Variants in MISP3 observed in about 807,000 individuals in gnomAD.
MISP3 encodes the protein uncharacterized protein MISP3.
In MISP3, 9 loss-of-function variants were observed where a neutral mutation model predicts 5.5. That is an observed-to-expected ratio of 1.65 (90% CI 0.99 to 2.87). The LOEUF (loss-of-function observed/expected upper bound fraction) is 2.87. MISP3 is among the 30% of genes most tolerant of loss of function. MISP3 has a pLI of 0.00. For synonymous variants in MISP3, 87 were observed against 38.1 expected (o/e 2.28, Z -4.73); for missense variants, 152 against 84.1 (o/e 1.81, Z -3.16).
rs1292934976 is a variant in MISP3 at position 14,074,980 on chromosome 19, CCCTT to C, written c.*258_*261del. ...CTAATTGCAAACTGAACTACCCTCTCCCTTGACTGTTAAGAGGGCCGGAGTTACC... is the reference window on the plus strand; with the variant it reads ...CTAATTGCAAACTGAACTACCCTCTCGACTGTTAAGAGGGCCGGAGTTACC... On this transcript the variant is annotated 3_prime_UTR_variant, in exon 3 of 3. Coordinates refer to ENST00000587086, the MANE Select transcript of MISP3 (RefSeq NM_001291291.2). This position sits in a 1 kb window ranked among gnomAD's most constrained non-coding sequence, Gnocchi z 4.4. 4.1e-6 allele frequency: 2 copies of C among 487,958 alleles called. No individual in the cohort carries two copies. The highest frequency in any genetic ancestry group is 1.9e-5 in the African/African-American group (1 of 51,940). The allele number at this position is 487,958 out of a possible 1,614,324, so 30.2% of individuals were successfully genotyped here. A position where few individuals can be genotyped will look rare whatever the true frequency, so the allele number is the denominator to read the frequency against.
Position 14,073,043 on chromosome 19 carries a change from G to C in MISP3, c.-267G>C. 3 of 558,508 alleles carry C rather than the reference G, an allele frequency of 5.4e-6. No individual in the cohort carries two copies. 34.6% of individuals were successfully genotyped at this position (558,508 alleles called of 1,614,324 possible). Reference sequence around the variant, plus strand: ...CCCCAAGCCCTCCGCAAAGGACGTGGAGATCCTGGAGCAAGAGAGCGAAGT... The same window carrying C: ...CCCCAAGCCCTCCGCAAAGGACGTGCAGATCCTGGAGCAAGAGAGCGAAGT... On this transcript the variant is annotated 5_prime_UTR_variant, in exon 1 of 3. Coordinates refer to ENST00000587086, the MANE Select transcript of MISP3 (RefSeq NM_001291291.2). The surrounding 1 kb of genome is among the most constrained non-coding windows in gnomAD (Gnocchi z 8.5).
At position 14,074,518 on chromosome 19, in the gene MISP3, C is replaced by T; in HGVS notation, c.642+55C>T. 1 of 687,470 alleles carries T rather than the reference C, an allele frequency of 1.5e-6. No homozygotes were observed. Among genetic ancestry groups the T allele is most frequent in the Non-Finnish European group, 2.7e-6 (1 of 375,468 alleles). 42.6% of individuals were successfully genotyped at this position (687,470 alleles called of 1,614,324 possible). Reference sequence around the variant, plus strand: ...GCGCTTGTCGGTCCCCCCACCCCTCCGGTGCCAGGACGCTTGGTGGGGAAA... The same window carrying T: ...GCGCTTGTCGGTCCCCCCACCCCTCTGGTGCCAGGACGCTTGGTGGGGAAA... On this transcript the variant is annotated intron_variant, in intron 2 of 2. Coordinates refer to ENST00000587086, the MANE Select transcript of MISP3 (RefSeq NM_001291291.2). The surrounding 1 kb of genome is among the most constrained non-coding windows in gnomAD (Gnocchi z 4.4).
Position 14,074,576 on chromosome 19 carries a change from G to T in MISP3, c.642+113G>T. 1 of 684,472 alleles carries T rather than the reference G, an allele frequency of 1.5e-6. No homozygotes were observed. The highest frequency in any genetic ancestry group is 2.7e-5 in the East Asian group (1 of 36,796). The allele number at this position is 684,472 out of a possible 1,614,324, so 42.4% of individuals were successfully genotyped here. ...CCTCCCTGGAGGGCCACTCTGGTCAGAACTCAGTCTGGGACGCATCCCCGG... is the reference window on the plus strand; with the variant it reads ...CCTCCCTGGAGGGCCACTCTGGTCATAACTCAGTCTGGGACGCATCCCCGG... On this transcript the variant is annotated intron_variant, in intron 2 of 2. Coordinates refer to ENST00000587086, the MANE Select transcript of MISP3 (RefSeq NM_001291291.2). This position sits in a 1 kb window ranked among gnomAD's most constrained non-coding sequence, Gnocchi z 4.4.
chr19:14,074,316 G>A lies in MISP3; in HGVS notation c.569-74G>A, dbSNP rs1169455371. On this transcript the variant is annotated intron_variant, in intron 1 of 2. Transcript: ENST00000587086. This position sits in a 1 kb window ranked among gnomAD's most constrained non-coding sequence, Gnocchi z 4.4. Reference sequence around the variant, plus strand: ...GGAGGCGGAGGGTGAACGCCTGTGTGTGTTTAAGGGGTGCGGCCGGCCTTT... The same window carrying A: ...GGAGGCGGAGGGTGAACGCCTGTGTATGTTTAAGGGGTGCGGCCGGCCTTT... 1 of 692,504 alleles carries A rather than the reference G, an allele frequency of 1.4e-6. No homozygotes were observed. The highest frequency in any genetic ancestry group is 1.8e-5 in the African/African-American group (1 of 56,990). 42.9% of individuals were successfully genotyped at this position (692,504 alleles called of 1,614,324 possible).
Position 14,074,527 on chromosome 19 carries a change from G to A in MISP3, c.642+64G>A. The A allele has an allele frequency of 1.5e-6, 1 of 684,460 alleles. No individual in the cohort carries two copies. Among genetic ancestry groups the A allele is most frequent in the South Asian group, 1.5e-5 (1 of 66,114 alleles). The allele number at this position is 684,460 out of a possible 1,614,324, so 42.4% of individuals were successfully genotyped here. ...GGTCCCCCCACCCCTCCGGTGCCAG[G>A]ACGCTTGGTGGGGAAAAGTGCATCC... On this transcript the variant is annotated intron_variant, in intron 2 of 2. Coordinates refer to ENST00000587086, the MANE Select transcript of MISP3 (RefSeq NM_001291291.2). This position sits in a 1 kb window ranked among gnomAD's most constrained non-coding sequence, Gnocchi z 4.4.
Position 14,073,354 on chromosome 19 carries a change from C to T in MISP3, c.45C>T (p.Arg15=). 1 of 699,614 alleles carries T rather than the reference C, an allele frequency of 1.4e-6. No individual in the cohort carries two copies. 43.3% of individuals were successfully genotyped at this position (699,614 alleles called of 1,614,324 possible). A position where few individuals can be genotyped will look rare whatever the true frequency, so the allele number is the denominator to read the frequency against. The change falls in exon 1 of 3, where the codon CGC becomes CGT. Residue 15 remains arginine, a synonymous_variant. Coordinates refer to ENST00000587086, the MANE Select transcript of MISP3 (RefSeq NM_001291291.2). The surrounding 1 kb of genome is among the most constrained non-coding windows in gnomAD (Gnocchi z 8.5). The stretch of plus-strand genomic sequence containing the variant: ...GCGAAATCCGCCGCAGCTGCGAACG[C>T]GAGGAGAGCCTGCGCCGGAGCCGGG... The part of the protein sequence containing the change: ...IEREIRRSCE[R]EESLRRSRGL...
At position 14,073,772 on chromosome 19, in the gene MISP3, G is replaced by A. The variant is rs1273230248; in HGVS notation, c.463G>A (p.Glu155Lys). 4.3e-6 allele frequency: 3 copies of A among 700,224 alleles called. No individual in the cohort carries two copies. The highest frequency in any genetic ancestry group is 2.0e-5 in the Admixed American group (1 of 49,916). The allele number at this position is 700,224 out of a possible 1,614,324, so 43.4% of individuals were successfully genotyped here. A position where few individuals can be genotyped will look rare whatever the true frequency, so the allele number is the denominator to read the frequency against. ...GCCGCCTTTCACTCCGTCACTGCTG[G>A]AGCAGGAGGTGCGCGCCGTGCGCGA... ...APPPFTPSLLEQEVRAVRERE... is the reference protein window; with the variant it reads ...APPPFTPSLLKQEVRAVRERE... The change falls in exon 1 of 3, where the codon GAG (glutamate) becomes AAG (lysine). Residue 155 changes from glutamate to lysine, a missense_variant. Physicochemically the swap from Glu to Lys is moderately conservative, Grantham distance 56. Coordinates refer to ENST00000587086, the MANE Select transcript of MISP3 (RefSeq NM_001291291.2). The surrounding 1 kb of genome is among the most constrained non-coding windows in gnomAD (Gnocchi z 8.5).
chr19:14,073,296 C>A lies in MISP3; in HGVS notation c.-14C>A. 1 of 695,140 alleles carries A rather than the reference C, an allele frequency of 1.4e-6. No homozygotes were observed. Among genetic ancestry groups the A allele is most frequent in the South Asian group, 1.5e-5 (1 of 67,324 alleles). 43.1% of individuals were successfully genotyped at this position (695,140 alleles called of 1,614,324 possible). On this transcript the variant is annotated 5_prime_UTR_variant, in exon 1 of 3. Coordinates refer to ENST00000587086, the MANE Select transcript of MISP3 (RefSeq NM_001291291.2). This position sits in a 1 kb window ranked among gnomAD's most constrained non-coding sequence, Gnocchi z 8.5. ...TGCCCCGAGGCTCCCCAGCGTCCCC[C>A]GGAGGAGCGGTTCATGGAGACGCCC...
At position 14,073,003 on chromosome 19, in the gene MISP3, G is replaced by A. The variant is rs777533994; in HGVS notation, c.-307G>A. On this transcript the variant is annotated 5_prime_UTR_variant, in exon 1 of 3. Coordinates refer to ENST00000587086, the MANE Select transcript of MISP3 (RefSeq NM_001291291.2). The surrounding 1 kb of genome is among the most constrained non-coding windows in gnomAD (Gnocchi z 8.5). ...AGCGAAGCCCCAGAGCTGCTGCGGA[G>A]CTGAACACCGAGGTCCCCAAGCCCT... 2.2e-5 allele frequency: 11 copies of A among 502,580 alleles called. No individual in the cohort carries two copies. The highest frequency in any genetic ancestry group is 1.7e-4 in the South Asian group (11 of 64,990). 31.1% of individuals were successfully genotyped at this position (502,580 alleles called of 1,614,324 possible).
At position 14,073,760 on chromosome 19, in the gene MISP3, C is replaced by A. The variant is rs143802484; in HGVS notation, c.451C>A (p.Pro151Thr). The change falls in exon 1 of 3, where the codon CCG becomes ACG. Residue 151 changes from proline (P) to threonine (T), a missense_variant. By Grantham distance (38) the Pro-to-Thr change is conservative (BLOSUM62 -1). Coordinates refer to ENST00000587086, the MANE Select transcript of MISP3 (RefSeq NM_001291291.2). This position sits in a 1 kb window ranked among gnomAD's most constrained non-coding sequence, Gnocchi z 8.5. ...VLGSAPPPFTPSLLEQEVRAV... is the reference protein window; with the variant it reads ...VLGSAPPPFTTSLLEQEVRAV... Reference sequence around the variant, plus strand: ...GGGCAGCGCCCCGCCGCCTTTCACTCCGTCACTGCTGGAGCAGGAGGTGCG... The same window carrying A: ...GGGCAGCGCCCCGCCGCCTTTCACTACGTCACTGCTGGAGCAGGAGGTGCG... 2.4e-5 allele frequency: 17 copies of A among 696,492 alleles called. No homozygotes were observed. The highest frequency in any genetic ancestry group is 3.7e-5 in the Non-Finnish European group (14 of 382,488). 43.1% of individuals were successfully genotyped at this position (696,492 alleles called of 1,614,324 possible).
In MISP3 at chr19:14,073,939, C is replaced by T. The variant is rs956631102; in HGVS notation, c.568+62C>T. On this transcript the variant is annotated intron_variant, in intron 1 of 2. Transcript: ENST00000587086. This position sits in a 1 kb window ranked among gnomAD's most constrained non-coding sequence, Gnocchi z 8.5. ...GTTCCAGCCGCCCCCACCGATTGCC[C>T]AACTTCAGTGGCCCCTCCTGTGGCC... 4.4e-6 allele frequency: 3 copies of T among 684,304 alleles called. No homozygotes were observed. Among genetic ancestry groups the T allele is most frequent in the Non-Finnish European group, 2.7e-6 (1 of 377,240 alleles). The allele number at this position is 684,304 out of a possible 1,614,324, so 42.4% of individuals were successfully genotyped here.
Position 14,073,593 on chromosome 19 carries a change from C to A in MISP3, c.284C>A (p.Pro95Gln), listed in dbSNP as rs1375568264. 9.8e-6 allele frequency: 3 copies of A among 306,904 alleles called. No homozygotes were observed. The highest frequency in any genetic ancestry group is 1.0e-4 in the Admixed American group (2 of 19,560). The allele number at this position is 306,904 out of a possible 1,614,324, so 19.0% of individuals were successfully genotyped here. Residue 95 changes from proline to glutamine, a missense_variant, in exon 1 of 3, where the codon CCG becomes CAG. Physicochemically the swap from Pro to Gln is moderately conservative, Grantham distance 76. Transcript: ENST00000587086. This position sits in a 1 kb window ranked among gnomAD's most constrained non-coding sequence, Gnocchi z 8.5. ...CCGCGCGCCCGGTCGCCGCCGCAGC[C>A]GCTGGGCGAACTCAAGCGCTTCTTC... ...PEPRARSPPQ[P>Q]LGELKRFFEA...
In MISP3 at chr19:14,073,701, C is replaced by T. The variant is rs1236827527; in HGVS notation, c.392C>T (p.Pro131Leu). Reference sequence around the variant, plus strand: ...AGGCTGCCAGAGCCTGGGGGACGGCCGCGCTCGGCCGTGCAGGGCGGGTGC... The same window carrying T: ...AGGCTGCCAGAGCCTGGGGGACGGCTGCGCTCGGCCGTGCAGGGCGGGTGC... ...PQRLPEPGGR[P>L]RSAVQGGCRV... The change falls in exon 1 of 3, where the codon CCG (proline) becomes CTG (leucine). Residue 131 changes from proline (P) to leucine (L), a missense_variant. Physicochemically the swap from Pro to Leu is moderately conservative, Grantham distance 98 (BLOSUM62 -3). Transcript: ENST00000587086. The surrounding 1 kb of genome is among the most constrained non-coding windows in gnomAD (Gnocchi z 8.5). 2 of 551,764 alleles carry T rather than the reference C, an allele frequency of 3.6e-6. No homozygotes were observed. The highest frequency in any genetic ancestry group is 6.9e-5 in the East Asian group (2 of 29,132). 34.2% of individuals were successfully genotyped at this position (551,764 alleles called of 1,614,324 possible).
At position 14,072,907 on chromosome 19, in the gene MISP3, G is replaced by T; in HGVS notation, c.-403G>T. 2.2e-6 allele frequency: 1 copy of T among 450,882 alleles called. No individual in the cohort carries two copies. The highest frequency in any genetic ancestry group is 4.4e-6 in the Non-Finnish European group (1 of 226,006). The allele number at this position is 450,882 out of a possible 1,614,324, so 27.9% of individuals were successfully genotyped here. A position where few individuals can be genotyped will look rare whatever the true frequency, so the allele number is the denominator to read the frequency against. The stretch of plus-strand genomic sequence containing the variant: ...ACTGCTTCCAACCCTGGACACGAAG[G>T]CCCCCACCGGCCGGAGAACGAAACC... On this transcript the variant is annotated 5_prime_UTR_variant, in exon 1 of 3. Coordinates refer to ENST00000587086, the MANE Select transcript of MISP3 (RefSeq NM_001291291.2). This position sits in a 1 kb window ranked among gnomAD's most constrained non-coding sequence, Gnocchi z 6.8.
rs1196614134 is a variant in MISP3 at position 14,074,862 on chromosome 19, T to G, written c.*139T>G. The G allele has an allele frequency of 1.5e-6, 1 of 648,378 alleles. No homozygotes were observed. The highest frequency in any genetic ancestry group is 2.9e-6 in the Non-Finnish European group (1 of 348,948). 40.2% of individuals were successfully genotyped at this position (648,378 alleles called of 1,614,324 possible). A position where few individuals can be genotyped will look rare whatever the true frequency, so the allele number is the denominator to read the frequency against. On this transcript the variant is annotated 3_prime_UTR_variant, in exon 3 of 3. Coordinates refer to ENST00000587086, the MANE Select transcript of MISP3 (RefSeq NM_001291291.2). The surrounding 1 kb of genome is among the most constrained non-coding windows in gnomAD (Gnocchi z 4.4). ...TGAAATCGACTTGCCTTTGTGAAAT[T>G]GACCAGCCCCCTCTATAAAACTTAC...
rs1430542125 is a variant in MISP3, at chr19:14,073,251, C to T, written c.-59C>T. The T allele has an allele frequency of 1.5e-6, 1 of 685,188 alleles. No homozygotes were observed. Among genetic ancestry groups the T allele is most frequent in the African/African-American group, 1.8e-5 (1 of 56,602 alleles). 42.4% of individuals were successfully genotyped at this position (685,188 alleles called of 1,614,324 possible). Reference sequence around the variant, plus strand: ...TCCTCCAGGTCAGGCTCGGAAGCCCCCCACCTGCGTTTTCCGCCGTGCCCC... The same window carrying T: ...TCCTCCAGGTCAGGCTCGGAAGCCCTCCACCTGCGTTTTCCGCCGTGCCCC... On this transcript the variant is annotated 5_prime_UTR_variant, in exon 1 of 3. Transcript: ENST00000587086. The surrounding 1 kb of genome is among the most constrained non-coding windows in gnomAD (Gnocchi z 8.5).
Position 14,073,451 on chromosome 19 carries a change from C to A in MISP3, c.142C>A (p.Pro48Thr). 1 of 548,942 alleles carries A rather than the reference C, an allele frequency of 1.8e-6. No homozygotes were observed. The highest frequency in any genetic ancestry group is 2.1e-5 in the South Asian group (1 of 47,270). The allele number at this position is 548,942 out of a possible 1,614,324, so 34.0% of individuals were successfully genotyped here. The change falls in exon 1 of 3, where the codon CCT (proline) becomes ACT (threonine). Residue 48 changes from proline to threonine, a missense_variant. Transcript: ENST00000587086. The surrounding 1 kb of genome is among the most constrained non-coding windows in gnomAD (Gnocchi z 8.5). ...GCGGCCGGTGCTCAACCTGCCGGGTCCTGGCCCCGCGCTCCCGCGCGCCCT... is the reference window on the plus strand; with the variant it reads ...GCGGCCGGTGCTCAACCTGCCGGGTACTGGCCCCGCGCTCCCGCGCGCCCT... ...RVRPVLNLPG[P>T]GPALPRALER... is the part of the protein sequence containing the mutation.
chr19:14,074,897 T>C lies in MISP3; in HGVS notation c.*174T>C, dbSNP rs777583126. ...CCTCTATAAAACTTACAGTCCCCCATTGGGAAACTGACCACCACCCACAAC... is the reference window on the plus strand; with the variant it reads ...CCTCTATAAAACTTACAGTCCCCCACTGGGAAACTGACCACCACCCACAAC... On this transcript the variant is annotated 3_prime_UTR_variant, in exon 3 of 3. Transcript: ENST00000587086. The surrounding 1 kb of genome is among the most constrained non-coding windows in gnomAD (Gnocchi z 4.4). 6 of 605,588 alleles carry C rather than the reference T, an allele frequency of 9.9e-6. No homozygotes were observed. Among genetic ancestry groups the C allele is most frequent in the South Asian group, 3.6e-5 (2 of 54,844 alleles). 37.5% of individuals were successfully genotyped at this position (605,588 alleles called of 1,614,324 possible).
Position 14,074,318 on chromosome 19 carries a change from G to A in MISP3, c.569-72G>A. ...AGGCGGAGGGTGAACGCCTGTGTGT[G>A]TTTAAGGGGTGCGGCCGGCCTTTCA... On this transcript the variant is annotated intron_variant, in intron 1 of 2. Transcript: ENST00000587086. The surrounding 1 kb of genome is among the most constrained non-coding windows in gnomAD (Gnocchi z 4.4). The A allele has an allele frequency of 2.9e-6, 2 of 694,950 alleles. No individual in the cohort carries two copies. The highest frequency in any genetic ancestry group is 5.3e-6 in the Non-Finnish European group (2 of 380,790). 43.0% of individuals were successfully genotyped at this position (694,950 alleles called of 1,614,324 possible). A position where few individuals can be genotyped will look rare whatever the true frequency, so the allele number is the denominator to read the frequency against.
Sources: gnomAD v4.1 joint callset for allele counts on GRCh38, gnomAD v4.1.1 for gene constraint, Gnocchi (gnomAD v3.1) non-coding constraint, MANE v1.5 for transcripts, NCBI Gene and HGNC (gene_info 2026-07-23, HGNC 2026-07-21) for gene names.